Variants in HEMK2 observed in about 807,000 individuals in gnomAD.
HEMK2 encodes methyltransferase HEMK2.
At chr21:28,686,525 A>G in the HEMK2 span, among the ~76,000 whole-genome samples, 85,157 of 152,058 alleles carry the variant, frequency 0.56, 26,694 homozygotes, top group East Asian at 0.84. Context: ...GAGCCACCAC[A>G]CCTGGCCACC....
At chr21:28,776,400 C>T in the HEMK2 span, among the ~76,000 whole-genome samples, 17 of 152,262 alleles carry the variant, frequency 1.1e-4, no homozygotes, top group East Asian at 3.3e-3. Flanking sequence ...AAATTCTTGC[C>T]CCACTAGTAG....
the HEMK2 span, among the ~76,000 whole-genome samples, chr21:28,639,206 A>G: frequency 1.3e-5 from 2 of 152,238 alleles, no homozygotes; most frequent in Non-Finnish European, 2.9e-5. Flanking sequence ...TGACTAGATC[A>G]AGATGAGAAA....
the HEMK2 span, among the ~76,000 whole-genome samples, chr21:28,628,203 G>A: frequency 6.6e-6 from 1 of 152,022 alleles, no homozygotes; most frequent in African/African-American, 2.4e-5. Flanking sequence ...ACATATGTAT[G>A]TATACAATAC....
chr21:28,785,174 C>G, the HEMK2 span, among the ~76,000 whole-genome samples: 1 of 152,156 alleles, frequency 6.6e-6, no homozygotes, highest in African/African-American at 2.4e-5. Flanking sequence ...GGAACAAACT[C>G]CGGACACACC....
the HEMK2 span, among the ~76,000 whole-genome samples, chr21:28,624,464 T>C: frequency 1.3e-5 from 2 of 152,172 alleles, no homozygotes; most frequent in Non-Finnish European, 2.9e-5. Flanking sequence ...AAAACAGAGT[T>C]GTGGGTTCTG....
chr21:28,883,369 C>T, the HEMK2 span, among the ~76,000 whole-genome samples: 1 of 152,076 alleles, frequency 6.6e-6, no homozygotes, highest in Non-Finnish European at 1.5e-5. Context: ...AAATGTTAAT[C>T]TAGGGTTGGA....
chr21:28,727,265 C>G, the HEMK2 span, among the ~76,000 whole-genome samples: 1 of 152,130 alleles, frequency 6.6e-6, no homozygotes, highest in African/African-American at 2.4e-5. Context: ...CCCAGGACAC[C>G]CACACATTTA....
At chr21:28,655,250 C>G in the HEMK2 span, among the ~76,000 whole-genome samples, 4 of 151,892 alleles carry the variant, frequency 2.6e-5, no homozygotes, top group Admixed American at 1.3e-4. Flanking sequence ...TCAATGAATA[C>G]AATAAGTTTT....
chr21:28,707,087 G>C, the HEMK2 span, among the ~76,000 whole-genome samples: 1 of 152,122 alleles, frequency 6.6e-6, no homozygotes, highest in Admixed American at 6.6e-5. Context: ...AGTTCATGTG[G>C]ATTGTGTGTA....
At chr21:28,687,373 T>C in the HEMK2 span, among the ~76,000 whole-genome samples, 1 of 152,248 alleles carries the variant, frequency 6.6e-6, no homozygotes, top group Non-Finnish European at 1.5e-5. Context: ...ATAAATGGAT[T>C]GACTTAGGTC....
chr21:28,743,776 T>A, the HEMK2 span, among the ~76,000 whole-genome samples: 2 of 152,214 alleles, frequency 1.3e-5, no homozygotes, highest in Non-Finnish European at 2.9e-5. Context: ...CCATTCATCT[T>A]TAACTGTTAT....
At chr21:28,860,759 A>G in the HEMK2 span, among the ~76,000 whole-genome samples, 4 of 152,178 alleles carry the variant, frequency 2.6e-5, no homozygotes, top group African/African-American at 9.7e-5. Context: ...ATGGATATTA[A>G]AAGTGTGGGA....
chr21:28,740,199 T>G, the HEMK2 span, among the ~76,000 whole-genome samples: 1 of 152,220 alleles, frequency 6.6e-6, no homozygotes, highest in African/African-American at 2.4e-5. Context: ...TTAAAGCCTA[T>G]CTATATCTTA....
the HEMK2 span, among the ~76,000 whole-genome samples, chr21:28,730,573 A>G: frequency 6.6e-6 from 1 of 152,054 alleles, no homozygotes; most frequent in African/African-American, 2.4e-5. Flanking sequence ...TCATGTGGCT[A>G]TTGGCAGGAA....
At chr21:28,630,053 C>A in the HEMK2 span, among the ~76,000 whole-genome samples, 2 of 152,018 alleles carry the variant, frequency 1.3e-5, no homozygotes. Context: ...TCAAGTATAT[C>A]TGACTCCAAA....
chr21:28,697,820 C>T, the HEMK2 span, among the ~76,000 whole-genome samples: 1 of 142,078 alleles, frequency 7.0e-6, no homozygotes, highest in Non-Finnish European at 1.5e-5. Flanking sequence ...AAGAATTACC[C>T]AGTCTCGGGT....
the HEMK2 span, among the ~76,000 whole-genome samples, chr21:28,691,027 G>A: frequency 6.6e-6 from 1 of 152,186 alleles, no homozygotes; most frequent in Non-Finnish European, 1.5e-5. Flanking sequence ...CTTTGTCAAG[G>A]TTATAGGTGT....
At chr21:28,739,692 G>A in the HEMK2 span, among the ~76,000 whole-genome samples, 1 of 152,146 alleles carries the variant, frequency 6.6e-6, no homozygotes, top group African/African-American at 2.4e-5. Context: ...TTAGCCCTAG[G>A]TGCCTATTCA....
the HEMK2 span, among the ~76,000 whole-genome samples, chr21:28,822,684 T>C: frequency 1.3e-5 from 2 of 152,136 alleles, no homozygotes; most frequent in Non-Finnish European, 2.9e-5. Flanking sequence ...GAGCCATTCC[T>C]TTCCCCAGTT....
Sources: allele counts gnomAD v4.1 joint callset (sites outside exome capture counted in the v4.1 genomes callset), GRCh38; gene constraint gnomAD v4.1.1; transcripts MANE v1.5; gene names NCBI Gene and HGNC (gene_info 2026-07-23, HGNC 2026-07-21).